The following PRSS12 variants were observed in gnomAD, a reference collection of about 807,000 sequenced individuals.
The protein encoded by PRSS12 is serine protease 12, also known as neurotrypsin.
Under a neutral mutation model 104.4 loss-of-function variants are expected in PRSS12, and 85 were observed. The ratio of observed to expected loss-of-function variants is 0.81; its 90% CI spans 0.68 to 0.98. The LOEUF is 0.98. Ranked by LOEUF, PRSS12 falls within the 50% of genes least tolerant of loss-of-function variation. The pLI, the probability that PRSS12 is intolerant of heterozygous loss-of-function variation, is 0.00. For synonymous variants in PRSS12, 454 were observed against 425.2 expected, an observed-to-expected ratio of 1.07 and a Z score of -0.83; for missense variants, 1,141 against 1,139.2, an observed-to-expected ratio of 1.00 and a Z score of -0.02.
At chr4:118,324,362 A>T (rs1723712265) in intron 4 of PRSS12, among the ~76,000 whole-genome samples, 1 of 152,146 alleles carries the variant, frequency 6.6e-6, no homozygotes, top group Non-Finnish European at 1.5e-5. Context: ...TAAAATATTA[A>T]TATAACTTTC....
At chr4:118,292,203 T>C (rs1330290941) in intron 11 of PRSS12, among the ~76,000 whole-genome samples, 1 of 152,160 alleles carries the variant, frequency 6.6e-6, no homozygotes, top group African/African-American at 2.4e-5. Context: ...CAATTTACCA[T>C]CAGTGTCCTT....
intron 1 of PRSS12, 56 bp downstream of exon 1, chr4:118,352,163 G>A: frequency 6.2e-7 from 1 of 1,603,134 alleles, no homozygotes; most frequent in Non-Finnish European, 8.5e-7. Context: ...CCGGCCCCAA[G>A]CCTCACTGGC....
chr4:118,295,721 C>T (rs1477980262), intron 10 of PRSS12, 57 bp downstream of exon 10: 2 of 1,477,664 alleles, frequency 1.4e-6, no homozygotes, highest in Non-Finnish European at 1.9e-6. Flanking sequence ...GTTTGTAACA[C>T]TCTATGTATA....
Position 118,286,706 on chromosome 4 carries a change from T to C in PRSS12, c.2040-3595A>G, listed in dbSNP as rs371773563. On this transcript the variant is annotated intron_variant, in intron 11 of 12. Transcript: ENST00000296498. ...ACATACACTCTCATCCCTAACTTAC[T>C]GAAATTAAAAAGAGATCTTATCAAT... Among the ~76,000 whole-genome samples the C allele has an allele frequency of 1.2e-3, 190 of 152,298 alleles. 1 individual carries two copies. Among genetic ancestry groups the C allele is most frequent in the African/African-American group, 4.3e-3 (180 of 41,564 alleles).
chr4:118,326,798 T>C (rs1275158033), intron 4 of PRSS12, among the ~76,000 whole-genome samples: 1 of 152,172 alleles, frequency 6.6e-6, no homozygotes, highest in Non-Finnish European at 1.5e-5. Context: ...TCAGTGGGCC[T>C]AACTTCCTCA....
intron 1 of PRSS12, among the ~76,000 whole-genome samples, chr4:118,339,873 T>C (rs1019854464): frequency 6.6e-6 from 1 of 152,224 alleles, no homozygotes; most frequent in Non-Finnish European, 1.5e-5. Context: ...AAAGAATTCA[T>C]TTGTTGACCT....
intron 9 of PRSS12, among the ~76,000 whole-genome samples, chr4:118,297,833 G>C (rs1010032903): frequency 6.6e-6 from 1 of 152,024 alleles, no homozygotes; most frequent in Admixed American, 6.6e-5. Flanking sequence ...GTCATTTAAA[G>C]AATGTTTCAT....
intron 1 of PRSS12, among the ~76,000 whole-genome samples, chr4:118,341,895 T>A (rs1388867422): frequency 3.3e-5 from 5 of 152,200 alleles, no homozygotes; most frequent in Admixed American, 3.3e-4. Flanking sequence ...AGATATTACT[T>A]TATGCATTAT....
chr4:118,342,645 C>T (rs546972077), intron 1 of PRSS12, among the ~76,000 whole-genome samples: 9 of 152,216 alleles, frequency 5.9e-5, no homozygotes, highest in East Asian at 3.9e-4. Flanking sequence ...TACCACTATG[C>T]GTGATGGCAT....
intron 4 of PRSS12, among the ~76,000 whole-genome samples, chr4:118,326,366 A>G (rs1362814976): frequency 6.6e-6 from 1 of 152,198 alleles, no homozygotes; most frequent in Admixed American, 6.5e-5. Context: ...AGACATACTA[A>G]CTAATTTCTT....
At chr4:118,335,350 T>C (rs1724033207) in intron 3 of PRSS12, 123 bp downstream of exon 3, 1 of 1,152,552 alleles carries the variant, frequency 8.7e-7, no homozygotes, top group African/African-American at 1.6e-5. Flanking sequence ...ATATTTTGAC[T>C]CAGACTTATT....
intron 2 of PRSS12, among the ~76,000 whole-genome samples, chr4:118,336,640 A>C (rs867875580): frequency 6.6e-6 from 1 of 152,198 alleles, no homozygotes; most frequent in Non-Finnish European, 1.5e-5. Flanking sequence ...TGTTTGCAGA[A>C]TAATAGTTTA....
In PRSS12 at chr4:118,316,848, A is replaced by ATATATATG. The variant is rs1723447288; in HGVS notation, c.1151-526_1151-525insCATATATA. Reference sequence around the variant, plus strand: ...CGGAAAAAAAAAAAAATATATATATATATATATATCTTTCCTTTTTATTGG... The same window carrying ATATATATG: ...CGGAAAAAAAAAAAAATATATATATATATATATGTATATATATCTTTCCTTTTTATTGG... On this transcript the variant is annotated intron_variant, in intron 5 of 12. Coordinates refer to ENST00000296498, the MANE Select transcript of PRSS12 (RefSeq NM_003619.4). Among the ~76,000 whole-genome samples, 4 of 145,368 alleles carry ATATATATG rather than the reference A, an allele frequency of 2.8e-5. No homozygotes were observed. In the Admixed American group the frequency reaches 2.8e-4, roughly 10 times the overall value.
intron 7 of PRSS12, 54 bp from the exon 8 acceptor site, chr4:118,308,631 A>C: frequency 1.3e-6 from 2 of 1,585,980 alleles, no homozygotes; most frequent in Non-Finnish European, 1.7e-6. Flanking sequence ...ACTGATTCTA[A>C]AGCATGAGCG....
chr4:118,305,059 GA>G (rs1328133109), intron 8 of PRSS12, among the ~76,000 whole-genome samples: 2 of 148,796 alleles, frequency 1.3e-5, no homozygotes, highest in Non-Finnish European at 1.5e-5. Context: ...TAGACATGAT[GA>G]AAAAAAGATC....
intron 4 of PRSS12, among the ~76,000 whole-genome samples, chr4:118,327,868 T>C (rs962528968): frequency 2.6e-5 from 4 of 152,216 alleles, no homozygotes; most frequent in African/African-American, 4.8e-5. Flanking sequence ...ATAATTCCTT[T>C]TGTATTTAGG....
intron 11 of PRSS12, among the ~76,000 whole-genome samples, chr4:118,287,592 T>C (rs1227080248): frequency 6.6e-6 from 1 of 152,202 alleles, no homozygotes; most frequent in Non-Finnish European, 1.5e-5. Flanking sequence ...ATTGGAATAG[T>C]TTTCCAACCA....
At chr4:118,311,589 T>C (rs1743730084) in intron 7 of PRSS12, among the ~76,000 whole-genome samples, 1 of 152,172 alleles carries the variant, frequency 6.6e-6, no homozygotes, top group African/African-American at 2.4e-5. Context: ...TATGATTCTA[T>C]CCCAAAAGGA....
At chr4:118,343,648 T>C (rs555778021) in intron 1 of PRSS12, among the ~76,000 whole-genome samples, 29 of 152,302 alleles carry the variant, frequency 1.9e-4, no homozygotes, top group Non-Finnish European at 3.8e-4. Flanking sequence ...TCCCAGCTAC[T>C]TGGGAGGCTG....
Sources: allele counts gnomAD v4.1 joint callset (sites outside exome capture counted in the v4.1 genomes callset), GRCh38; gene constraint gnomAD v4.1.1; transcripts MANE v1.5; gene names NCBI Gene and HGNC (gene_info 2026-07-23, HGNC 2026-07-21).